ANTXR1: variants seen among roughly 807,000 people sequenced by gnomAD.
ANTXR1 encodes anthrax toxin receptor 1.
Under a neutral mutation model 78.1 loss-of-function variants are expected in ANTXR1, and 19 were observed. That is an observed-to-expected ratio of 0.24 (90% confidence interval 0.17 to 0.36). ANTXR1 has a LOEUF of 0.36. Ranked by LOEUF, ANTXR1 falls within the 10% of genes least tolerant of loss-of-function variation. ANTXR1 has a pLI of 1.00. For missense variants in ANTXR1, 518 were observed against 718.6 expected, an observed-to-expected ratio of 0.72 and a Z score of 3.19; for synonymous variants, 273 against 260.5, an observed-to-expected ratio of 1.05 and a Z score of -0.46.
At chr2:69,169,403 T>C (rs1377408527) in intron 13 of ANTXR1, among the ~76,000 whole-genome samples, 1 of 152,214 alleles carries the variant, frequency 6.6e-6, no homozygotes, top group Non-Finnish European at 1.5e-5. Context: ...CCAAATGCCA[T>C]GTAAGAGACT....
chr2:69,037,619 G>A (rs1236154645), intron 1 of ANTXR1, among the ~76,000 whole-genome samples: 3 of 152,042 alleles, frequency 2.0e-5, no homozygotes, highest in African/African-American at 4.8e-5. Flanking sequence ...ACAGGCATAC[G>A]CCACCATGCC....
chr2:69,075,012 T>C (rs1054642214), intron 6 of ANTXR1, among the ~76,000 whole-genome samples: 1 of 151,814 alleles, frequency 6.6e-6, no homozygotes, highest in Admixed American at 6.6e-5. Context: ...TATTCAAATA[T>C]GGACCACAAT....
intron 12 of ANTXR1, among the ~76,000 whole-genome samples, chr2:69,138,015 C>T (rs182656834): frequency 1.5e-3 from 217 of 146,306 alleles, no homozygotes; most frequent in African/African-American, 5.0e-3. Flanking sequence ...ACCCGGGAGG[C>T]GGAGATTGCA....
chr2:69,035,155 G>C (rs1319904802), intron 1 of ANTXR1, among the ~76,000 whole-genome samples: 1 of 152,128 alleles, frequency 6.6e-6, no homozygotes, highest in Non-Finnish European at 1.5e-5. Flanking sequence ...CAAGAAGGCA[G>C]CGGGGGGCGG....
chr2:69,132,803 G>T (rs1030014465), intron 12 of ANTXR1, among the ~76,000 whole-genome samples: 13 of 152,152 alleles, frequency 8.5e-5, no homozygotes, highest in Admixed American at 7.2e-4. Context: ...ATAACAATCA[G>T]GACCAACGTG....
intron 17 of ANTXR1, among the ~76,000 whole-genome samples, chr2:69,228,725 A>G (rs1365230048): frequency 6.6e-6 from 1 of 152,210 alleles, no homozygotes; most frequent in Non-Finnish European, 1.5e-5. Flanking sequence ...TTGTCCCTCA[A>G]ATGAATACAT....
chr2:69,092,526 T>C (rs1419563693), intron 9 of ANTXR1, among the ~76,000 whole-genome samples: 1 of 152,228 alleles, frequency 6.6e-6, no homozygotes, highest in Non-Finnish European at 1.5e-5. Context: ...TAACTAACTA[T>C]TCAGAAATAT....
At position 69,247,154 on chromosome 2, in the gene ANTXR1, CCTT is replaced by C. The variant is rs1281024525; in HGVS notation, c.*1672_*1674del. ...TTAAGCCCACTGATTTCTTCACAAT[CCTT>C]CTCAAATTACAATTCCAAAGAGCCG... On this transcript the variant is annotated 3_prime_UTR_variant, in exon 18 of 18. Coordinates refer to ENST00000303714, the MANE Select transcript of ANTXR1 (RefSeq NM_032208.3). 1 of 152,786 alleles carries C rather than the reference CCTT, an allele frequency of 6.5e-6. No homozygotes were observed. Among genetic ancestry groups the C allele is most frequent in the Admixed American group, 6.5e-5 (1 of 15,280 alleles). The allele number at this position is 152,786 out of a possible 1,614,324, so 9.5% of individuals were successfully genotyped here. A position where few individuals can be genotyped will look rare whatever the true frequency, so the allele number is the denominator to read the frequency against.
chr2:69,126,053 T>G (rs1433274932), intron 12 of ANTXR1, among the ~76,000 whole-genome samples: 2 of 152,150 alleles, frequency 1.3e-5, no homozygotes, highest in South Asian at 4.1e-4. Context: ...TCTCAGTAAC[T>G]GGAGTTGTGT....
chr2:69,238,346 A>ATT (rs752630244), intron 17 of ANTXR1, among the ~76,000 whole-genome samples: 9 of 152,302 alleles, frequency 5.9e-5, no homozygotes, highest in Non-Finnish European at 5.9e-5. Context: ...GGACCTCAAC[A>ATT]TTTGCTCAAT....
rs1378905777 is a variant in ANTXR1, at chr2:69,248,127, T to G, written c.*2642T>G. ...CCATCAATACTTGTGTCATTCCCTG[T>G]AAAAGGCAGGAGACATGTGATTATG... On this transcript the variant is annotated 3_prime_UTR_variant, in exon 18 of 18. Transcript: ENST00000303714. 6.0e-6 allele frequency: 1 copy of G among 165,456 alleles called. No individual in the cohort carries two copies. The highest frequency in any genetic ancestry group is 1.5e-5 in the Non-Finnish European group (1 of 66,990). 10.2% of individuals were successfully genotyped at this position (165,456 alleles called of 1,614,324 possible). A position where few individuals can be genotyped will look rare whatever the true frequency, so the allele number is the denominator to read the frequency against.
intron 1 of ANTXR1, among the ~76,000 whole-genome samples, chr2:69,014,734 G>A (rs192350701): frequency 1.3e-5 from 2 of 152,154 alleles, no homozygotes; most frequent in African/African-American, 4.8e-5. Context: ...TCACAGACTG[G>A]AAAGTATTTA....
At chr2:69,122,150 T>C (rs1672366873) in intron 10 of ANTXR1, among the ~76,000 whole-genome samples, 1 of 152,226 alleles carries the variant, frequency 6.6e-6, no homozygotes, top group Non-Finnish European at 1.5e-5. Flanking sequence ...TTTCAAATTC[T>C]TCTTATATCC....
At chr2:69,177,020 G>T (rs1674141023) in intron 14 of ANTXR1, among the ~76,000 whole-genome samples, 1 of 152,210 alleles carries the variant, frequency 6.6e-6, no homozygotes, top group Admixed American at 6.5e-5. Context: ...CTGTGGAGTT[G>T]TCCCATGCAC....
rs750307477 is a variant in ANTXR1, at chr2:69,152,196, C to G, written c.979C>G (p.Leu327Val). 1 of 1,614,164 alleles carries G rather than the reference C, an allele frequency of 6.2e-7. No individual in the cohort carries two copies. The highest frequency in any genetic ancestry group is 2.2e-5 in the East Asian group (1 of 44,880). The change falls in exon 13 of 18, where the codon CTG becomes GTG. Residue 327 changes from leucine (L) to valine (V), a missense_variant. Physicochemically the swap from Leu to Val is conservative, Grantham distance 32. Coordinates refer to ENST00000303714, the MANE Select transcript of ANTXR1 (RefSeq NM_032208.3). ...CSDGSILAIA[L>V]LILFLLLALA... The stretch of plus-strand genomic sequence containing the variant: ...TGACGGTTCCATCCTGGCCATCGCC[C>G]TGCTGATCCTGTTCCTGCTCCTAGC...
In ANTXR1 at chr2:69,228,060, T is replaced by C. The variant is rs544521435; in HGVS notation, c.1435-17165T>C. Among the ~76,000 whole-genome samples, 9 of 152,360 alleles carry C rather than the reference T, an allele frequency of 5.9e-5. No individual in the cohort carries two copies. In the South Asian group the frequency reaches 1.9e-3, roughly 32 times the overall value. ...TATCAATCTCTGTCACAGTATATTT[T>C]TGTGTCTATGGAAAGATAGAGCCTA... On this transcript the variant is annotated intron_variant, in intron 17 of 17. Coordinates refer to ENST00000303714, the MANE Select transcript of ANTXR1 (RefSeq NM_032208.3).
At chr2:69,091,240 G>A (rs1671224725) in intron 9 of ANTXR1, among the ~76,000 whole-genome samples, 1 of 151,858 alleles carries the variant, frequency 6.6e-6, no homozygotes, top group Non-Finnish European at 1.5e-5. Context: ...AGGAGTTTGA[G>A]ACCAGCCTGG....
chr2:69,017,212 C>G (rs1032028927), intron 1 of ANTXR1, among the ~76,000 whole-genome samples: 1 of 152,134 alleles, frequency 6.6e-6, no homozygotes, highest in Non-Finnish European at 1.5e-5. Context: ...CAAACAGACC[C>G]CTGGGTGGTC....
intron 14 of ANTXR1, chr2:69,172,489 T>G: frequency 1.3e-6 from 2 of 1,491,438 alleles, no homozygotes; most frequent in South Asian, 1.4e-5. Flanking sequence ...ATCTAGACAG[T>G]CTTTTCCTCT....
Sources: allele counts gnomAD v4.1 joint callset (sites outside exome capture counted in the v4.1 genomes callset), GRCh38; gene constraint gnomAD v4.1.1; transcripts MANE v1.5; gene names NCBI Gene and HGNC (gene_info 2026-07-23, HGNC 2026-07-21).